XPO4: variants seen among roughly 807,000 people sequenced by gnomAD.
XPO4 encodes exportin 4, also known as exportin-4.
A neutral mutation model predicts 143.0 loss-of-function variants in XPO4; 39 were observed. The observed-to-expected ratio is 0.27, with a 90% CI of 0.21 to 0.36. The LOEUF is 0.36. Ranked by LOEUF, XPO4 falls within the 10% of genes least tolerant of loss-of-function variation. The pLI, the probability that XPO4 is intolerant of heterozygous loss-of-function variation, is 1.00. For missense variants in XPO4, 907 were observed against 1,348.0 expected, an observed-to-expected ratio of 0.67 and a Z score of 5.12; for synonymous variants, 439 against 474.0, an observed-to-expected ratio of 0.93 and a Z score of 0.96.
At chr13:20,788,346 C>T (rs1218394991) in intron 20 of XPO4, 140 bp downstream of exon 20, 5 of 1,156,224 alleles carry the variant, frequency 4.3e-6, no homozygotes, top group African/African-American at 1.6e-5. Flanking sequence ...TGTGAGCCAC[C>T]GTGCCTGGCC....
chr13:20,806,513 T>C (rs1478930409), intron 13 of XPO4, among the ~76,000 whole-genome samples: 5 of 149,998 alleles, frequency 3.3e-5, no homozygotes. Context: ...ATTTCACATG[T>C]TGTTTTCAAA....
chr13:20,791,141 T>C (rs1048370866), intron 18 of XPO4, among the ~76,000 whole-genome samples: 5 of 151,824 alleles, frequency 3.3e-5, no homozygotes, highest in African/African-American at 1.2e-4. Flanking sequence ...ATGAGAATAC[T>C]AAGACCTAAA....
chr13:20,835,674 T>C (rs2059906725), intron 6 of XPO4, among the ~76,000 whole-genome samples: 3 of 152,232 alleles, frequency 2.0e-5, no homozygotes, highest in Admixed American at 1.3e-4. Flanking sequence ...TTGATGCTCT[T>C]CGAAATATCT....
At chr13:20,852,606 ATAT>A in intron 4 of XPO4, 1 of 962,314 alleles carries the variant, frequency 1.0e-6, no homozygotes. Flanking sequence ...GTATATTTGA[ATAT>A]TATGGTATAT....
chr13:20,828,240 A>AAAAC (rs754219980), intron 6 of XPO4, among the ~76,000 whole-genome samples: 10 of 152,176 alleles, frequency 6.6e-5, no homozygotes, highest in Non-Finnish European at 1.3e-4. Context: ...GCTCTGTCTC[A>AAAAC]AAACAAACAA....
intron 3 of XPO4, among the ~76,000 whole-genome samples, 190 bp from the exon 4 acceptor site, chr13:20,855,955 G>A (rs576744707): frequency 2.0e-4 from 31 of 152,304 alleles, no homozygotes; most frequent in African/African-American, 7.2e-4. Context: ...TGGACGGGCT[G>A]TATGACCCTG....
At chr13:20,862,565 G>A in intron 3 of XPO4, 152 bp downstream of exon 3, 3 of 915,132 alleles carry the variant, frequency 3.3e-6, no homozygotes, top group Non-Finnish European at 4.9e-6. Flanking sequence ...TGGGCTCAAG[G>A]AGATCCTCCC....
intron 4 of XPO4, chr13:20,851,876 T>C: frequency 1.0e-6 from 1 of 985,396 alleles, no homozygotes; most frequent in Non-Finnish European, 1.2e-6. Context: ...GCTATATCTG[T>C]TCCAATCATT....
chr13:20,819,251 A>C (rs1236720749), intron 9 of XPO4, among the ~76,000 whole-genome samples: 1 of 152,242 alleles, frequency 6.6e-6, no homozygotes, highest in Non-Finnish European at 1.5e-5. Context: ...CTTGCTCTTC[A>C]TGACTGCCTG....
At chr13:20,820,415 A>T in intron 9 of XPO4, among the ~76,000 whole-genome samples, 1 of 152,224 alleles carries the variant, frequency 6.6e-6, no homozygotes, top group Non-Finnish European at 1.5e-5. Flanking sequence ...CTTAGTTTCT[A>T]AATATAGGAT....
chr13:20,823,752 A>G lies in XPO4; in HGVS notation c.841-1463T>C, dbSNP rs550921511. Among the ~76,000 whole-genome samples, 73 of 152,256 alleles carry G rather than the reference A, an allele frequency of 4.8e-4. 1 individual carries two copies. The highest frequency in any genetic ancestry group is 1.7e-3 in the African/African-American group (69 of 41,560). On this transcript the variant is annotated intron_variant, in intron 7 of 22. Transcript: ENST00000255305. ...TAGCAACCTCCGCCTCCCGGGTTCA[A>G]GCAATTCTCCTGCCTCAGTCTCCTG...
Position 20,801,004 on chromosome 13 carries a change from A to G in XPO4, c.1818-14T>C. ...GCAGACAACAGCCTGTAGGTATAAA[A>G]CAGAAGTCATTTATTCTTTTATTTA... On this transcript the variant is annotated splice_polypyrimidine_tract_variant and intron_variant, in intron 13 of 22. Transcript: ENST00000255305. The G allele has an allele frequency of 6.2e-7, 1 of 1,605,504 alleles. No individual in the cohort carries two copies. Among genetic ancestry groups the G allele is most frequent in the Non-Finnish European group, 8.5e-7 (1 of 1,178,278 alleles).
chr13:20,874,418 C>T (rs1183277265), intron 1 of XPO4, among the ~76,000 whole-genome samples: 2 of 152,170 alleles, frequency 1.3e-5, no homozygotes, highest in Non-Finnish European at 2.9e-5. Flanking sequence ...CGCCAAAACC[C>T]ATGTTAAAAT....
intron 12 of XPO4, among the ~76,000 whole-genome samples, chr13:20,807,937 T>C (rs1489107113): frequency 6.6e-6 from 1 of 152,180 alleles, no homozygotes; most frequent in African/African-American, 2.4e-5. Flanking sequence ...ATTTTGCTAC[T>C]ATCTATATTA....
chr13:20,850,372 G>C, intron 4 of XPO4: 1 of 724,842 alleles, frequency 1.4e-6, no homozygotes. Flanking sequence ...ATAAATGGCA[G>C]AGCTGGGATT....
intron 9 of XPO4, among the ~76,000 whole-genome samples, chr13:20,816,396 G>A (rs754167141): frequency 2.6e-5 from 4 of 152,176 alleles, no homozygotes; most frequent in Non-Finnish European, 4.4e-5. Flanking sequence ...GAATTTAGAA[G>A]TCTTTGAATG....
chr13:20,876,669 A>T (rs2060356467), intron 1 of XPO4, among the ~76,000 whole-genome samples: 1 of 152,210 alleles, frequency 6.6e-6, no homozygotes, highest in Admixed American at 6.5e-5. Context: ...TAGTAAATTG[A>T]ACTATATTAA....
At chr13:20,796,341 T>C in intron 17 of XPO4, 85 bp from the exon 18 acceptor site, 1 of 986,472 alleles carries the variant, frequency 1.0e-6, no homozygotes, top group African/African-American at 1.6e-5. Flanking sequence ...ATAAATTAAC[T>C]CCGAATTCCA....
chr13:20,792,723 C>CA (rs748612077), intron 18 of XPO4, among the ~76,000 whole-genome samples: 42,277 of 98,094 alleles, frequency 0.43, 9,423 homozygotes, highest in Non-Finnish European at 0.49. Context: ...CTCTGTCTCA[C>CA]AAAAAAAAAA....
Sources: allele counts gnomAD v4.1 joint callset (sites outside exome capture counted in the v4.1 genomes callset), GRCh38; gene constraint gnomAD v4.1.1; transcripts MANE v1.5; gene names NCBI Gene and HGNC (gene_info 2026-07-23, HGNC 2026-07-21).